The following SNX7 variants were observed in gnomAD, a reference collection of about 807,000 sequenced individuals.
SNX7 encodes the protein sorting nexin-7.
Under a neutral mutation model 48.4 loss-of-function variants are expected in SNX7, and 35 were observed. The observed-to-expected ratio is 0.72, with a 90% CI of 0.55 to 0.96. The LOEUF (loss-of-function observed/expected upper bound fraction) is 0.96. Ranked by LOEUF, SNX7 falls within the 40% of genes least tolerant of loss-of-function variation. The probability of loss-of-function intolerance (pLI) is 0.00; values close to 1 mark genes in which losing one functional copy is unlikely to be tolerated. For missense variants in SNX7, 553 were observed against 548.9 expected (o/e 1.01, Z -0.07); for synonymous variants, 190 against 190.2 (o/e 1.00, Z 0.01).
At chr1:98,756,422 G>GTTTTTTTTTTTTTT (rs35117249) in intron 8 of SNX7, among the ~76,000 whole-genome samples, 1 of 54,692 alleles carries the variant, frequency 1.8e-5, no homozygotes, top group Non-Finnish European at 3.2e-5. Context: ...TGCCAGATGA[G>GTTTTTTTTTTTTTT]TTTTTTTTTT....
chr1:98,695,448 TTTA>T, intron 4 of SNX7, 67 bp from the exon 5 acceptor site: 1 of 1,427,016 alleles, frequency 7.0e-7, no homozygotes, highest in Non-Finnish European at 9.7e-7. Context: ...CCTAATTAGG[TTTA>T]TTTTTGTATT....
intron 1 of SNX7, among the ~76,000 whole-genome samples, chr1:98,681,930 C>T (rs1215085903): frequency 6.6e-6 from 1 of 152,110 alleles, no homozygotes; most frequent in Non-Finnish European, 1.5e-5. Context: ...TTCTAGCTTA[C>T]TCTCAATAAG....
At chr1:98,687,278 T>C (rs1010952602) in intron 2 of SNX7, among the ~76,000 whole-genome samples, 4 of 152,166 alleles carry the variant, frequency 2.6e-5, no homozygotes, top group Admixed American at 6.5e-5. Context: ...CAGTTTACTT[T>C]CATAGTATAC....
At chr1:98,729,498 T>A (rs1398480938) in intron 7 of SNX7, among the ~76,000 whole-genome samples, 2 of 150,566 alleles carry the variant, frequency 1.3e-5, no homozygotes, top group Non-Finnish European at 3.0e-5. Flanking sequence ...AGGAGCTGAT[T>A]TTTTTTTTGA....
At chr1:98,733,890 T>A (rs12057921) in intron 7 of SNX7, among the ~76,000 whole-genome samples, 1 of 151,976 alleles carries the variant, frequency 6.6e-6, no homozygotes, top group East Asian at 1.9e-4. Flanking sequence ...TTTCCACATA[T>A]CTCTGACTCA....
chr1:98,704,685 T>C (rs1431770215), intron 7 of SNX7, among the ~76,000 whole-genome samples: 1 of 152,134 alleles, frequency 6.6e-6, no homozygotes, highest in African/African-American at 2.4e-5. Context: ...GAACTGAATA[T>C]AGCTGTCTGC....
chr1:98,732,568 C>A (rs1207863276), intron 7 of SNX7, among the ~76,000 whole-genome samples: 1 of 152,084 alleles, frequency 6.6e-6, no homozygotes, highest in East Asian at 1.9e-4. Context: ...AAAGGAAAGG[C>A]AGCTTCTTGC....
chr1:98,672,695 C>T (rs866170578), intron 1 of SNX7, among the ~76,000 whole-genome samples: 1 of 151,362 alleles, frequency 6.6e-6, no homozygotes, highest in African/African-American at 2.4e-5. Flanking sequence ...GAGGCCGAGG[C>T]GGGTGGATCT....
At chr1:98,709,619 T>G (rs2100988021) in intron 7 of SNX7, among the ~76,000 whole-genome samples, 1 of 152,310 alleles carries the variant, frequency 6.6e-6, no homozygotes, top group African/African-American at 2.4e-5. Flanking sequence ...ATGAGAAAGC[T>G]TTCATTTACA....
chr1:98,683,657 T>A (rs1462388865), intron 1 of SNX7, among the ~76,000 whole-genome samples: 1 of 152,168 alleles, frequency 6.6e-6, no homozygotes, highest in Non-Finnish European at 1.5e-5. Context: ...CATCTTGATC[T>A]TGGACTTCCT....
At chr1:98,702,019 G>A (rs1651777288) in intron 7 of SNX7, 116 bp downstream of exon 7, 26 of 681,836 alleles carry the variant, frequency 3.8e-5, no homozygotes, top group Non-Finnish European at 5.5e-5. Flanking sequence ...TTGTTTCTAA[G>A]CATTAAGCAA....
intron 4 of SNX7, among the ~76,000 whole-genome samples, chr1:98,692,205 A>G (rs1261456947): frequency 2.0e-5 from 3 of 152,138 alleles, no homozygotes; most frequent in East Asian, 1.9e-4. Context: ...ACACATATGT[A>G]TACCTTTTGT....
chr1:98,704,788 C>A (rs1570545140), intron 7 of SNX7, among the ~76,000 whole-genome samples: 1 of 152,268 alleles, frequency 6.6e-6, no homozygotes, highest in South Asian at 2.1e-4. Context: ...TTCAGAGACT[C>A]CATCAAAGTC....
At chr1:98,751,229 T>C (rs922677127) in intron 8 of SNX7, among the ~76,000 whole-genome samples, 2 of 152,082 alleles carry the variant, frequency 1.3e-5, no homozygotes, top group African/African-American at 2.4e-5. Context: ...TTAGAAAACT[T>C]GATCACATCT....
At chr1:98,694,750 GGC>G (rs1488543607) in intron 4 of SNX7, among the ~76,000 whole-genome samples, 3 of 151,610 alleles carry the variant, frequency 2.0e-5, no homozygotes, top group Admixed American at 1.3e-4. Flanking sequence ...TGGGACTACA[GGC>G]ACCTGCCACC....
chr1:98,704,124 C>T (rs1174297871), intron 7 of SNX7, among the ~76,000 whole-genome samples: 1 of 148,434 alleles, frequency 6.7e-6, no homozygotes, highest in Non-Finnish European at 1.5e-5. Flanking sequence ...ATTTTGTCTT[C>T]TGCTGTATAA....
intron 7 of SNX7, among the ~76,000 whole-genome samples, chr1:98,735,114 T>G (rs529027426): frequency 6.6e-6 from 1 of 152,214 alleles, no homozygotes; most frequent in South Asian, 2.1e-4. Context: ...TAACTTTTGT[T>G]GAGTATATTT....
At chr1:98,678,056 C>A (rs1650274559) in intron 1 of SNX7, among the ~76,000 whole-genome samples, 1 of 149,912 alleles carries the variant, frequency 6.7e-6, no homozygotes, top group Non-Finnish European at 1.5e-5. Flanking sequence ...TAAAGAAATA[C>A]CTGAGGCTGG....
At chr1:98,717,571 A>G (rs1006279280) in intron 7 of SNX7, among the ~76,000 whole-genome samples, 1 of 152,146 alleles carries the variant, frequency 6.6e-6, no homozygotes, top group African/African-American at 2.4e-5. Context: ...GCTTCAAATA[A>G]TTAATACCAA....
Sources: allele counts gnomAD v4.1 joint callset (sites outside exome capture counted in the v4.1 genomes callset), GRCh38; gene constraint gnomAD v4.1.1; transcripts MANE v1.5; gene names NCBI Gene and HGNC (gene_info 2026-07-23, HGNC 2026-07-21).